STARD9: variants seen among roughly 807,000 people sequenced by gnomAD.
STARD9 encodes the protein StAR related lipid transfer domain containing 9.
In STARD9, 346 loss-of-function variants were observed where a neutral mutation model predicts 399.8. That is an observed-to-expected ratio of 0.87 (90% CI 0.79 to 0.95). STARD9 has a LOEUF of 0.95. STARD9 is among the 40% of genes least tolerant of loss of function. The pLI, the probability that STARD9 is intolerant of heterozygous loss-of-function variation, is 0.00. For synonymous variants in STARD9, 2,203 were observed against 2,143.5 expected (o/e 1.03, Z -0.77); for missense variants, 5,832 against 5,667.5 (o/e 1.03, Z -0.93).
chr15:42,682,057 C>A, intron 21 of STARD9, 47 bp from the exon 22 acceptor site: 2 of 1,297,734 alleles, frequency 1.5e-6, no homozygotes, highest in Non-Finnish European at 1.1e-6. Context: ...CAGCCACAAG[C>A]AGGGAAGGAG....
chr15:42,608,093 G>C (rs959125625), intron 3 of STARD9, among the ~76,000 whole-genome samples: 1 of 152,122 alleles, frequency 6.6e-6, no homozygotes, highest in Non-Finnish European at 1.5e-5. Flanking sequence ...CCTTTGTCCA[G>C]GGATATGGGC....
chr15:42,667,919 A>G (rs1267992825), intron 15 of STARD9, among the ~76,000 whole-genome samples: 1 of 152,242 alleles, frequency 6.6e-6, no homozygotes. Context: ...TCACACGTCT[A>G]GAAGTTTCTC....
chr15:42,637,932 T>A lies in STARD9; in HGVS notation c.377T>A (p.Ile126Lys). 2 of 1,537,284 alleles carry A rather than the reference T, an allele frequency of 1.3e-6. No homozygotes were observed. Among genetic ancestry groups the A allele is most frequent in the South Asian group, 2.4e-5 (2 of 84,062 alleles). The change falls in exon 5 of 33, where the codon ATA (isoleucine) becomes AAA (lysine). Residue 126 changes from isoleucine (I) to lysine (K), a missense_variant. Around this residue, in one of 2 missense-constraint regions of STARD9, gnomAD observed 5,828 missense variants for 5,651.1 expected, o/e 1.03. Transcript: ENST00000290607. ...TPASVGLTPR[I>K]CEGLFVREKD... is the part of the protein sequence containing the mutation. The stretch of plus-strand genomic sequence containing the variant: ...GCCTCTGTTGGGTTGACACCACGGA[T>A]ATGTGAGGTATAGACTATCTTTTGG...
At position 42,689,160 on chromosome 15, in the gene STARD9, C is replaced by T; in HGVS notation, c.7582C>T (p.Leu2528=). 2.0e-6 allele frequency: 3 copies of T among 1,537,266 alleles called. No homozygotes were observed. The highest frequency in any genetic ancestry group is 2.4e-5 in the South Asian group (2 of 84,056). The change falls in exon 23 of 33, where the codon CTG becomes TTG. Residue 2528 remains leucine, a synonymous_variant. Transcript: ENST00000290607. ...TSGVSLAPVS[L]PRVPSPEPRL... is the part of the protein sequence containing the mutation. ...CGGTGTTTCCTTAGCACCTGTTTCCCTGCCGAGGGTGCCCAGTCCAGAGCC... is the reference window on the plus strand; with the variant it reads ...CGGTGTTTCCTTAGCACCTGTTTCCTTGCCGAGGGTGCCCAGTCCAGAGCC...
At chr15:42,676,059 G>GGGGGGC in intron 20 of STARD9, 84 bp downstream of exon 20, 1 of 838,352 alleles carries the variant, frequency 1.2e-6, no homozygotes, top group African/African-American at 1.7e-5. Flanking sequence ...GTGGGGGTGG[G>GGGGGGC]GGGTGATTAA....
intron 6 of STARD9, 63 bp from the exon 7 acceptor site, chr15:42,638,637 C>T: frequency 7.7e-6 from 9 of 1,171,052 alleles, no homozygotes; most frequent in Non-Finnish European, 1.1e-5. Context: ...TGATTTTTAG[C>T]TCAATGTTGT....
chr15:42,604,715 T>C (rs114743946), intron 3 of STARD9, among the ~76,000 whole-genome samples: 5,487 of 150,038 alleles, frequency 0.037, 368 homozygotes, highest in African/African-American at 0.13. Flanking sequence ...GTGATCTTAG[T>C]TCACTGCAGC....
In STARD9 at chr15:42,669,350, G is replaced by C. The variant is rs1463365403; in HGVS notation, c.1497+13G>C. ...CTATCATCTCAAGGTGAGGAGGCTA[G>C]TGTATCCTTTTCTTCCTAAGCCACT... On this transcript the variant is annotated intron_variant, in intron 16 of 32. Coordinates refer to ENST00000290607, the MANE Select transcript of STARD9 (RefSeq NM_020759.3). 12 of 1,501,318 alleles carry C rather than the reference G, an allele frequency of 8.0e-6. No homozygotes were observed. In the East Asian group the frequency reaches 3.0e-4, roughly 38 times the overall value. 93.0% of individuals were successfully genotyped at this position (1,501,318 alleles called of 1,614,324 possible).
chr15:42,605,134 G>A (rs1422907277), intron 3 of STARD9, among the ~76,000 whole-genome samples: 1 of 152,102 alleles, frequency 6.6e-6, no homozygotes, highest in Non-Finnish European at 1.5e-5. Context: ...TCTCTCCTGA[G>A]TTTTATTCTG....
chr15:42,675,240 A>G (rs966364520), intron 18 of STARD9, among the ~76,000 whole-genome samples: 6 of 152,212 alleles, frequency 3.9e-5, no homozygotes, highest in African/African-American at 1.4e-4. Context: ...CATCTATAAA[A>G]TGGGGATAAT....
chr15:42,694,452 T>A, intron 23 of STARD9, 76 bp from the exon 24 acceptor site: 1 of 1,522,170 alleles, frequency 6.6e-7, no homozygotes, highest in Non-Finnish European at 8.8e-7. Context: ...ATCTCTGGGA[T>A]CTTCCAGGGG....
intron 3 of STARD9, among the ~76,000 whole-genome samples, chr15:42,624,709 C>T (rs982271618): frequency 3.9e-5 from 6 of 151,946 alleles, no homozygotes; most frequent in Non-Finnish European, 7.4e-5. Flanking sequence ...CCACCACGCC[C>T]AGCTAATTTT....
rs2059783935 is a variant in STARD9 at position 42,652,553 on chromosome 15, C to A, written c.663C>A (p.Ser221Arg). The A allele has an allele frequency of 6.5e-7, 1 of 1,537,462 alleles. No individual in the cohort carries two copies. The highest frequency in any genetic ancestry group is 8.7e-7 in the Non-Finnish European group (1 of 1,146,928). ...ITAATHVHEASSRSHAIFTIH... is the reference protein window; with the variant it reads ...ITAATHVHEARSRSHAIFTIH... ...CAGCCACCCATGTTCATGAGGCCAG[C>A]AGCAGATCCCACGCCATTTTCACGA... is the stretch of plus-strand genomic sequence containing the variant. Residue 221 changes from serine (S) to arginine (R), a missense_variant, in exon 9 of 33, where the codon AGC becomes AGA. Coordinates refer to ENST00000290607, the MANE Select transcript of STARD9 (RefSeq NM_020759.3).
intron 7 of STARD9, among the ~76,000 whole-genome samples, 169 bp downstream of exon 7, chr15:42,638,981 A>G (rs904242002): frequency 4.6e-5 from 7 of 152,034 alleles, no homozygotes; most frequent in African/African-American, 7.3e-5. Flanking sequence ...TCCTGCCCTC[A>G]GGCAAGCTTA....
chr15:42,718,233 G>A (rs1177683727), intron 30 of STARD9, 54 bp downstream of exon 30: 4 of 1,488,658 alleles, frequency 2.7e-6, no homozygotes, highest in Non-Finnish European at 3.6e-6. Context: ...TGTGCCCAGT[G>A]GGGTCTTGCT....
intron 21 of STARD9, 40 bp downstream of exon 21, chr15:42,681,652 ATTC>A (rs2060430895): frequency 6.8e-7 from 1 of 1,465,218 alleles, no homozygotes; most frequent in Non-Finnish European, 9.1e-7. Flanking sequence ...TCACCTCCTT[ATTC>A]TTTCATTTTC....
At chr15:42,632,786 A>T (rs1192314947) in intron 3 of STARD9, among the ~76,000 whole-genome samples, 1 of 152,146 alleles carries the variant, frequency 6.6e-6, no homozygotes, top group African/African-American at 2.4e-5. Context: ...AAGCTGCAGT[A>T]AGCTATGACT....
chr15:42,674,195 G>T (rs1444596453), intron 16 of STARD9, among the ~76,000 whole-genome samples: 1 of 152,208 alleles, frequency 6.6e-6, no homozygotes, highest in African/African-American at 2.4e-5. Context: ...AATAGCTTGG[G>T]CTGCTTTGTG....
intron 1 of STARD9, among the ~76,000 whole-genome samples, chr15:42,577,081 C>T (rs150509233): frequency 1.3e-5 from 2 of 152,144 alleles, no homozygotes; most frequent in Admixed American, 6.5e-5. Flanking sequence ...TTTTAGGGTT[C>T]TCAGGATAAC....
Sources: gnomAD v4.1 joint callset for allele counts (sites outside exome capture counted in the v4.1 genomes callset) on GRCh38, gnomAD v4.1.1 for gene constraint, gnomAD v4.1.1 regional missense constraint, MANE v1.5 for transcripts, NCBI Gene and HGNC (gene_info 2026-07-23, HGNC 2026-07-21) for gene names.